The following ANK1 variants were observed in gnomAD, a reference collection of about 807,000 sequenced individuals.
ANK1 encodes ankyrin 1.
In ANK1, 51 loss-of-function variants were observed where a neutral mutation model predicts 210.4. That is an observed-to-expected ratio of 0.24 (90% CI 0.19 to 0.31). The LOEUF (loss-of-function observed/expected upper bound fraction) is 0.31, where lower values mean the gene tolerates loss of function less well. ANK1 is among the 10% of genes least tolerant of loss of function. The probability of loss-of-function intolerance (pLI) is 1.00; values close to 1 mark genes in which losing one functional copy is unlikely to be tolerated. For synonymous variants in ANK1, 967 were observed against 1,025.9 expected (o/e 0.94, Z 1.10); for missense variants, 2,051 against 2,504.4 (o/e 0.82, Z 3.86).
intron 2 of ANK1, among the ~76,000 whole-genome samples, chr8:41,754,360 G>T (rs573015566): frequency 6.6e-6 from 1 of 152,320 alleles, no homozygotes. Flanking sequence ...TGATAATGAT[G>T]ATAGAACATT....
rs374806871 is a variant in ANK1 at position 41,867,718 on chromosome 8, C to T, written c.126+28637G>A. ...CATGGCTTGGGTTTCTTCCCCATCA[C>T]CCCTCTAAGCTGTCAGCTGTCTCCC... On this transcript the variant is annotated intron_variant, in intron 1 of 42. Coordinates refer to the ANK1 transcript ENST00000265709. Among the ~76,000 whole-genome samples the T allele has an allele frequency of 2.8e-4, 43 of 152,326 alleles. 1 individual carries two copies. The highest frequency in any genetic ancestry group is 1.0e-3 in the African/African-American group (42 of 41,562).
At chr8:41,729,928 C>A (rs560750565) in intron 3 of ANK1, among the ~76,000 whole-genome samples, 3 of 152,182 alleles carry the variant, frequency 2.0e-5, no homozygotes, top group African/African-American at 7.2e-5. Context: ...TCAAATAGGG[C>A]GAGTGGAGAA....
chr8:41,690,362 C>T lies in ANK1; in HGVS notation c.3985-16G>A. On this transcript the variant is annotated splice_polypyrimidine_tract_variant and intron_variant, in intron 32 of 42. Transcript: ENST00000289734. ...TGTCCCTCACCTAAACTCAATCACA[C>T]AAAGGAGAATTCAGGGGCCCTTTTC... 1 of 1,614,222 alleles carries T rather than the reference C, an allele frequency of 6.2e-7. No homozygotes were observed. Among genetic ancestry groups the T allele is most frequent in the African/African-American group, 1.3e-5 (1 of 75,056 alleles).
intron 14 of ANK1, 25 bp from the exon 15 acceptor site, chr8:41,715,099 C>T (rs373920234): frequency 1.4e-5 from 22 of 1,610,982 alleles, no homozygotes; most frequent in Middle Eastern, 1.7e-4. Context: ...GCTGTCAGGA[C>T]CTTGGGGCCC....
intron 1 of ANK1, among the ~76,000 whole-genome samples, chr8:41,806,508 A>G (rs555266353): frequency 6.6e-6 from 1 of 152,366 alleles, no homozygotes; most frequent in African/African-American, 2.4e-5. Context: ...TGAGGTCAGG[A>G]GTTCAAGACC....
chr8:41,765,431 G>A (rs79577097), intron 1 of ANK1, among the ~76,000 whole-genome samples: 23,873 of 151,892 alleles, frequency 0.16, 2,262 homozygotes, highest in South Asian at 0.23. Context: ...ATTTTTTGTA[G>A]AGATAAAGTC....
chr8:41,753,774 G>GCT (rs1563670897), intron 2 of ANK1, among the ~76,000 whole-genome samples: 1 of 151,098 alleles, frequency 6.6e-6, no homozygotes, highest in East Asian at 2.0e-4. Context: ...TGTGACTCTC[G>GCT]CCCCTACCTG....
At chr8:41,691,221 G>A (rs1319095607) in intron 31 of ANK1, among the ~76,000 whole-genome samples, 1 of 152,204 alleles carries the variant, frequency 6.6e-6, no homozygotes, top group East Asian at 1.9e-4. Flanking sequence ...CTGAGATCCT[G>A]TTTCTAAAAA....
chr8:41,803,577 G>A lies in ANK1; in HGVS notation c.127-45440C>T, dbSNP rs1038381385. 2.0e-5 allele frequency: 3 copies of A among 151,328 alleles called. No individual in the cohort carries two copies. In the South Asian group the frequency reaches 6.3e-4, roughly 32 times the overall value. 9.4% of individuals were successfully genotyped at this position (151,328 alleles called of 1,614,324 possible). ...TTTGCTTTTCTTGCTCTATTACATT[G>A]GGTAAGATATCCAATATATTTTTGA... is the stretch of plus-strand genomic sequence containing the variant. On this transcript the variant is annotated intron_variant, in intron 1 of 42. Coordinates refer to the ANK1 transcript ENST00000265709.
chr8:41,856,874 CTTTTTTTTTTTTTT>C (rs35341809), intron 1 of ANK1, among the ~76,000 whole-genome samples: 1 of 95,248 alleles, frequency 1.0e-5, no homozygotes, highest in Non-Finnish European at 1.9e-5. Context: ...TAACAGCCCT[CTTTTTTTTTTTTTT>C]TTTTTTTTTT....
At chr8:41,740,638 A>G (rs1366744400) in intron 2 of ANK1, among the ~76,000 whole-genome samples, 3 of 152,106 alleles carry the variant, frequency 2.0e-5, no homozygotes, top group African/African-American at 7.2e-5. Flanking sequence ...CTACGGTCTA[A>G]GGATTGGTGT....
At chr8:41,702,179 G>A in intron 20 of ANK1, 35 bp from the exon 21 acceptor site, 1 of 1,575,680 alleles carries the variant, frequency 6.3e-7, no homozygotes, top group Non-Finnish European at 8.7e-7. Flanking sequence ...AGTCAGACAG[G>A]GGATGGAGTC....
intron 2 of ANK1, 32 bp from the exon 3 acceptor site, chr8:41,734,101 GT>G (rs1302280196): frequency 6.3e-7 from 1 of 1,588,016 alleles, no homozygotes; most frequent in Non-Finnish European, 8.6e-7. Flanking sequence ...GAAGGGCATG[GT>G]TAGTCAAATG....
intron 37 of ANK1, among the ~76,000 whole-genome samples, chr8:41,678,107 C>A (rs2150570051): frequency 6.6e-6 from 1 of 152,098 alleles, no homozygotes; most frequent in South Asian, 2.1e-4. Context: ...TGATTTTTAT[C>A]AAATTTGGCA....
intron 37 of ANK1, among the ~76,000 whole-genome samples, chr8:41,682,381 G>A (rs556106860): frequency 2.0e-5 from 3 of 152,230 alleles, no homozygotes; most frequent in African/African-American, 4.8e-5. Flanking sequence ...CACCATGCAC[G>A]TTAACTGCTG....
intron 1 of ANK1, among the ~76,000 whole-genome samples, chr8:41,871,025 C>T (rs1314947826): frequency 6.6e-6 from 1 of 152,232 alleles, no homozygotes; most frequent in Non-Finnish European, 1.5e-5. Flanking sequence ...AGGGCTGGCC[C>T]TCTCTGCAGC....
At chr8:41,760,426 G>A (rs535335900) in intron 1 of ANK1, among the ~76,000 whole-genome samples, 1 of 152,294 alleles carries the variant, frequency 6.6e-6, no homozygotes, top group South Asian at 2.1e-4. Flanking sequence ...TTCATCTTCT[G>A]CCATGATTGT....
In ANK1 at chr8:41,776,004, C is replaced by A. The variant is rs139314995; in HGVS notation, c.28-17867G>T. 1.1e-3 allele frequency among the ~76,000 whole-genome samples: 166 copies of A among 152,298 alleles called. 3 individuals are homozygous for A. In the East Asian group the frequency reaches 0.027, roughly 25 times the overall value. ...ACGAGTTAACAGCTATTATTATTCC[C>A]ATTTGACAGAAGCAGCTAAGGCACA... On this transcript the variant is annotated intron_variant, in intron 1 of 42. Transcript: ENST00000289734.
intron 10 of ANK1, 120 bp from the exon 11 acceptor site, chr8:41,718,324 C>T: frequency 1.2e-6 from 1 of 844,190 alleles, no homozygotes; most frequent in Non-Finnish European, 2.0e-6. Flanking sequence ...AGCAGATGCC[C>T]ATAGACCAAT....
Sources: gnomAD v4.1 joint callset for allele counts (sites outside exome capture counted in the v4.1 genomes callset) on GRCh38, gnomAD v4.1.1 for gene constraint, MANE v1.5 for transcripts, NCBI Gene and HGNC (gene_info 2026-07-23, HGNC 2026-07-21) for gene names.